The following COL21A1 variants were observed in gnomAD, a reference collection of about 807,000 sequenced individuals.
The protein encoded by COL21A1 is collagen alpha-1(XXI) chain.
In COL21A1, 149 loss-of-function variants were observed where a neutral mutation model predicts 137.9. The observed-to-expected ratio is 1.08, with a 90% CI of 0.95 to 1.24. The LOEUF (loss-of-function observed/expected upper bound fraction) is 1.24. Ranked by LOEUF, COL21A1 falls within the 50% of genes most tolerant of loss-of-function variation. The probability of loss-of-function intolerance (pLI) is 0.00; values close to 1 mark genes in which losing one functional copy is unlikely to be tolerated. For missense variants in COL21A1, 1,167 were observed against 1,158.4 expected (o/e 1.01, Z -0.11); for synonymous variants, 456 against 391.5 (o/e 1.16, Z -1.95).
intron 3 of COL21A1, among the ~76,000 whole-genome samples, chr6:56,177,876 T>C (rs753118367): frequency 2.7e-5 from 4 of 150,624 alleles, no homozygotes; most frequent in Non-Finnish European, 5.9e-5. Context: ...TTTTAAAAGA[T>C]GGCTATTGTG....
At chr6:56,261,593 G>A (rs1763278507) in intron 1 of COL21A1, among the ~76,000 whole-genome samples, 1 of 152,078 alleles carries the variant, frequency 6.6e-6, no homozygotes, top group Admixed American at 6.6e-5. Context: ...AGGCACCTTG[G>A]TCATTGATTT....
At chr6:56,188,306 C>A (rs950356454) in intron 1 of COL21A1, among the ~76,000 whole-genome samples, 1 of 152,114 alleles carries the variant, frequency 6.6e-6, no homozygotes, top group African/African-American at 2.4e-5. Flanking sequence ...AATTGTGTGT[C>A]CACAGCAAAA....
At chr6:56,316,629 G>A (rs1262757068) in intron 1 of COL21A1, among the ~76,000 whole-genome samples, 2 of 151,478 alleles carry the variant, frequency 1.3e-5, no homozygotes, top group Non-Finnish European at 2.9e-5. Context: ...GTACAGGCAT[G>A]TGCCACCACA....
In COL21A1 at chr6:56,294,840, C is replaced by T. The variant is rs190999586; in HGVS notation, c.-39+99131G>A. 1.8e-3 allele frequency among the ~76,000 whole-genome samples: 274 copies of T among 152,106 alleles called. 1 individual carries two copies. The highest frequency in any genetic ancestry group is 6.5e-3 in the African/African-American group (269 of 41,556). On this transcript the variant is annotated intron_variant, in intron 1 of 28. Coordinates refer to the COL21A1 transcript ENST00000370819. Reference sequence around the variant, plus strand: ...AGGAGTTCTTTGTATATTTTGGATACTAGCCCTTTATCAGATATGGTGGCA... The same window carrying T: ...AGGAGTTCTTTGTATATTTTGGATATTAGCCCTTTATCAGATATGGTGGCA...
intron 1 of COL21A1, among the ~76,000 whole-genome samples, chr6:56,287,906 G>C (rs1451912258): frequency 1.3e-5 from 2 of 152,016 alleles, no homozygotes; most frequent in Non-Finnish European, 2.9e-5. Context: ...TGAAGATGGA[G>C]GGAGAGGTCA....
chr6:56,133,002 T>C (rs1773686600), intron 12 of COL21A1, among the ~76,000 whole-genome samples: 1 of 152,178 alleles, frequency 6.6e-6, no homozygotes, highest in African/African-American at 2.4e-5. Flanking sequence ...TATGTCTTTA[T>C]CAGCAGTGTG....
At chr6:56,319,081 A>T (rs72870257) in intron 1 of COL21A1, among the ~76,000 whole-genome samples, 32 of 152,246 alleles carry the variant, frequency 2.1e-4, no homozygotes, top group African/African-American at 7.0e-4. Context: ...CACTTGACAC[A>T]GTTGATCGCA....
At chr6:56,098,994 C>A (rs1247452325) in intron 17 of COL21A1, among the ~76,000 whole-genome samples, 2 of 150,344 alleles carry the variant, frequency 1.3e-5, no homozygotes, top group Admixed American at 1.3e-4. Flanking sequence ...GGATTACAGG[C>A]GTGAGCCACT....
rs369448798 is a variant in COL21A1 at position 56,125,550 on chromosome 6, G to A, written c.1650+17C>T. On this transcript the variant is annotated intron_variant, in intron 14 of 29. Transcript: ENST00000244728. ...AAAAGTTCAATATGAATACTTTGTTGTGTGATCTATACTTCCCTTTTTGCC... is the reference window on the plus strand; with the variant it reads ...AAAAGTTCAATATGAATACTTTGTTATGTGATCTATACTTCCCTTTTTGCC... The A allele has an allele frequency of 2.8e-5, 44 of 1,570,626 alleles. No homozygotes were observed. The East Asian group carries it at 5.4e-4, about 19-fold the overall frequency.
At chr6:56,098,438 T>G (rs973776709) in intron 17 of COL21A1, among the ~76,000 whole-genome samples, 2 of 4,902 alleles carry the variant, frequency 4.1e-4, no homozygotes, top group African/African-American at 1.3e-3. Context: ...TAAATATATA[T>G]AAATATATAT....
intron 1 of COL21A1, among the ~76,000 whole-genome samples, chr6:56,195,116 G>T (rs143202219): frequency 3.4e-4 from 52 of 152,216 alleles, no homozygotes; most frequent in African/African-American, 1.0e-3. Context: ...AAGCATGGAG[G>T]CCTCACCAGA....
At chr6:56,276,234 T>G (rs1925161) in intron 1 of COL21A1, among the ~76,000 whole-genome samples, 151,056 of 152,262 alleles carry the variant, frequency 0.99, 74,937 homozygotes, top group Middle Eastern at 1. Context: ...AGGAGGAACA[T>G]GAGTACGGGT....
chr6:56,067,271 A>G, intron 23 of COL21A1, 24 bp downstream of exon 23: 1 of 1,590,868 alleles, frequency 6.3e-7, no homozygotes, highest in Non-Finnish European at 8.6e-7. Flanking sequence ...TGCTCAGCCT[A>G]CTAAAAAAAA....
chr6:56,243,339 C>T (rs1302016660), intron 1 of COL21A1, among the ~76,000 whole-genome samples: 1 of 152,088 alleles, frequency 6.6e-6, no homozygotes, highest in Non-Finnish European at 1.5e-5. Flanking sequence ...TGGTCTCTGG[C>T]CAGCCACAGT....
At chr6:56,142,850 C>T (rs1342730477) in intron 10 of COL21A1, among the ~76,000 whole-genome samples, 1 of 152,140 alleles carries the variant, frequency 6.6e-6, no homozygotes, top group African/African-American at 2.4e-5. Context: ...TCTTCATTGT[C>T]AACTATGTTA....
chr6:56,379,380 A>C lies in COL21A1; in HGVS notation c.-39+14591T>G, dbSNP rs143016647. Among the ~76,000 whole-genome samples the C allele has an allele frequency of 8.5e-3, 1,299 of 152,320 alleles. 7 individuals carry two copies. Among genetic ancestry groups the C allele is most frequent in the Middle Eastern group, 0.02 (6 of 294 alleles). On this transcript the variant is annotated intron_variant, in intron 1 of 28. Transcript: ENST00000370819. ...TTCTATCAGATAAATTTAACAGCAGAAAAAAAGGAGAGGCATCTGAAAATA... is the reference window on the plus strand; with the variant it reads ...TTCTATCAGATAAATTTAACAGCAGCAAAAAAGGAGAGGCATCTGAAAATA...
chr6:56,095,172 T>C (rs1000033859), intron 17 of COL21A1, among the ~76,000 whole-genome samples: 2 of 152,190 alleles, frequency 1.3e-5, no homozygotes, highest in African/African-American at 4.8e-5. Context: ...AGACCTTCTC[T>C]TTAAATGCCT....
intron 16 of COL21A1, among the ~76,000 whole-genome samples, chr6:56,112,496 C>T (rs1468075761): frequency 6.6e-6 from 1 of 151,868 alleles, no homozygotes; most frequent in Non-Finnish European, 1.5e-5. Flanking sequence ...CCTGAATTAC[C>T]GATGCCACCC....
intron 14 of COL21A1, among the ~76,000 whole-genome samples, chr6:56,124,697 A>T (rs939864019): frequency 5.9e-5 from 9 of 152,106 alleles, no homozygotes; most frequent in Non-Finnish European, 1.0e-4. Flanking sequence ...GCTGGAGTGC[A>T]GTGGTGCAAT....
Sources: allele counts gnomAD v4.1 joint callset (sites outside exome capture counted in the v4.1 genomes callset), GRCh38; gene constraint gnomAD v4.1.1; transcripts MANE v1.5; gene names NCBI Gene and HGNC (gene_info 2026-07-23, HGNC 2026-07-21).